MACROD2: variants seen among roughly 807,000 people sequenced by gnomAD.
MACROD2 encodes mono-ADP ribosylhydrolase 2, also known as ADP-ribose glycohydrolase MACROD2.
Under a neutral mutation model 70.4 loss-of-function variants are expected in MACROD2, and 36 were observed. The ratio of observed to expected loss-of-function variants is 0.51; its 90% confidence interval spans 0.39 to 0.68. The LOEUF (loss-of-function observed/expected upper bound fraction) is 0.68. MACROD2 is among the 30% of genes least tolerant of loss of function. The probability of loss-of-function intolerance (pLI) is 0.00; values close to 1 mark genes in which losing one functional copy is unlikely to be tolerated. For missense variants in MACROD2, 496 were observed against 538.4 expected (o/e 0.92, Z 0.78); for synonymous variants, 172 against 178.8 (o/e 0.96, Z 0.30).
intron 5 of MACROD2, among the ~76,000 whole-genome samples, chr20:14,809,663 A>AAGGTT: frequency 6.6e-6 from 1 of 152,146 alleles, no homozygotes; most frequent in East Asian, 1.9e-4. Context: ...TTTTTTTGAA[A>AAGGTT]AGATTAACAA....
intron 12 of MACROD2, among the ~76,000 whole-genome samples, chr20:15,945,994 G>A (rs1392120212): frequency 6.6e-6 from 1 of 152,128 alleles, no homozygotes; most frequent in African/African-American, 2.4e-5. Context: ...GCAACAGGGA[G>A]GGCAGTTTGG....
chr20:14,272,136 A>G (rs938038446), intron 3 of MACROD2, among the ~76,000 whole-genome samples: 3 of 152,148 alleles, frequency 2.0e-5, no homozygotes, highest in Non-Finnish European at 4.4e-5. Context: ...TTCAGGAAAT[A>G]CAGAGAATGC....
intron 5 of MACROD2, among the ~76,000 whole-genome samples, chr20:15,219,975 C>A (rs1192632012): frequency 1.2e-4 from 16 of 136,762 alleles, no homozygotes; most frequent in South Asian, 2.3e-4. Context: ...AAAAAAAAGG[C>A]AAAGGGATCA....
At chr20:14,539,533 A>G (rs540003591) in intron 4 of MACROD2, among the ~76,000 whole-genome samples, 2 of 152,308 alleles carry the variant, frequency 1.3e-5, no homozygotes, top group Admixed American at 6.5e-5. Flanking sequence ...AAAACCAGCT[A>G]TTAATGATGG....
chr20:14,586,432 G>A (rs1028261300), intron 4 of MACROD2, among the ~76,000 whole-genome samples: 1 of 152,044 alleles, frequency 6.6e-6, no homozygotes, highest in Non-Finnish European at 1.5e-5. Context: ...GAAAAGTTAT[G>A]CTTACACAGA....
At chr20:14,990,583 G>A (rs1321826030) in intron 5 of MACROD2, among the ~76,000 whole-genome samples, 6 of 145,838 alleles carry the variant, frequency 4.1e-5, no homozygotes, top group Admixed American at 7.1e-5. Flanking sequence ...GCGCGATCTC[G>A]ACTCACTGAA....
intron 6 of MACROD2, among the ~76,000 whole-genome samples, chr20:15,414,711 A>G (rs934552365): frequency 1.3e-5 from 2 of 152,194 alleles, no homozygotes; most frequent in Non-Finnish European, 2.9e-5. Context: ...CGTATACGTG[A>G]AAATAATAAT....
intron 3 of MACROD2, among the ~76,000 whole-genome samples, chr20:14,419,650 G>C (rs1437633898): frequency 1.3e-5 from 2 of 151,798 alleles, no homozygotes; most frequent in Non-Finnish European, 2.9e-5. Context: ...TATAAAATAA[G>C]GCATATTCTC....
chr20:14,175,907 G>A (rs1057357757), intron 3 of MACROD2, among the ~76,000 whole-genome samples: 6 of 152,134 alleles, frequency 3.9e-5, no homozygotes, highest in African/African-American at 1.4e-4. Flanking sequence ...GGATGAGATT[G>A]CCAACCTAAT....
intron 3 of MACROD2, among the ~76,000 whole-genome samples, chr20:14,140,157 T>C (rs2054851019): frequency 2.6e-5 from 4 of 152,206 alleles, no homozygotes; most frequent in Admixed American, 2.6e-4. Flanking sequence ...TTTGGTGGGA[T>C]TTAATGAAAT....
intron 8 of MACROD2, among the ~76,000 whole-genome samples, chr20:15,555,790 C>T (rs2048158614): frequency 7.8e-6 from 1 of 127,568 alleles, no homozygotes; most frequent in East Asian, 2.5e-4. Flanking sequence ...GATTGCGCCA[C>T]TGCACTCCAG....
At chr20:15,378,893 AACTGCAAAGATG>A (rs1480564808) in intron 6 of MACROD2, among the ~76,000 whole-genome samples, 2 of 152,224 alleles carry the variant, frequency 1.3e-5, no homozygotes, top group Admixed American at 6.5e-5. Flanking sequence ...GATTTCATAA[AACTGCAAAGATG>A]ACTGCATGGT....
At chr20:15,801,401 G>A (rs1007096030) in intron 8 of MACROD2, among the ~76,000 whole-genome samples, 4 of 151,780 alleles carry the variant, frequency 2.6e-5, no homozygotes, top group African/African-American at 9.7e-5. Context: ...CCAATGCAGG[G>A]TTCTTCTGGG....
chr20:15,958,341 G>A (rs1185407357), intron 12 of MACROD2, among the ~76,000 whole-genome samples: 5 of 152,142 alleles, frequency 3.3e-5, no homozygotes, highest in Admixed American at 6.5e-5. Flanking sequence ...TTGCCCCACA[G>A]CTGTGGACAT....
intron 6 of MACROD2, among the ~76,000 whole-genome samples, chr20:15,372,821 G>A (rs2045511173): frequency 6.6e-6 from 1 of 152,178 alleles, no homozygotes; most frequent in South Asian, 2.1e-4. Flanking sequence ...GGAGGTGAAG[G>A]TGGGAGAATT....
rs947757608 is a variant in MACROD2 at position 15,662,549 on chromosome 20, A to G, written c.645+162702A>G. ...TAAAGACCCATTGGTATTAGCATTC[A>G]GAGGGGAGAAAATGCTACTTCTTCT... On this transcript the variant is annotated intron_variant, in intron 8 of 17. Coordinates refer to ENST00000684519, the MANE Select transcript of MACROD2 (RefSeq NM_001351661.2). Among the ~76,000 whole-genome samples, 3 of 152,226 alleles carry G rather than the reference A, an allele frequency of 2.0e-5. No individual in the cohort carries two copies. In the South Asian group the frequency reaches 6.2e-4, roughly 32 times the overall value.
chr20:14,661,333 G>T (rs1986216765), intron 4 of MACROD2, among the ~76,000 whole-genome samples: 1 of 152,014 alleles, frequency 6.6e-6, no homozygotes, highest in African/African-American at 2.4e-5. Flanking sequence ...ATGTTTGTTT[G>T]CCACTTATAT....
At chr20:14,884,734 C>T (rs1004319) in intron 5 of MACROD2, 20,150 of 152,050 alleles carry the variant, frequency 0.13, 1,482 homozygotes, top group Middle Eastern at 0.25. Context: ...ATTATACCAT[C>T]CTCCCTTTGG....
intron 5 of MACROD2, among the ~76,000 whole-genome samples, chr20:14,771,249 T>A (rs1412434884): frequency 6.6e-6 from 1 of 152,078 alleles, no homozygotes; most frequent in Non-Finnish European, 1.5e-5. Context: ...GCTTCCTGGG[T>A]CTCTAGTTTG....
Sources: allele counts gnomAD v4.1 joint callset (sites outside exome capture counted in the v4.1 genomes callset), GRCh38; gene constraint gnomAD v4.1.1; transcripts MANE v1.5; gene names NCBI Gene and HGNC (gene_info 2026-07-23, HGNC 2026-07-21).